CFAP58: variants seen among roughly 807,000 people sequenced by gnomAD.
The protein encoded by CFAP58 is cilia and flagella associated protein 58.
Under a neutral mutation model 119.5 loss-of-function variants are expected in CFAP58, and 88 were observed. The ratio of observed to expected loss-of-function variants is 0.74; its 90% CI spans 0.62 to 0.88. CFAP58 has a LOEUF of 0.88. Ranked by LOEUF, CFAP58 falls within the 40% of genes least tolerant of loss-of-function variation. The probability of loss-of-function intolerance (pLI) is 0.00; values close to 1 mark genes in which losing one functional copy is unlikely to be tolerated. For missense variants in CFAP58, 990 were observed against 1,021.2 expected (o/e 0.97, Z 0.42); for synonymous variants, 365 against 366.3 (o/e 1.00, Z 0.04).
At chr10:104,346,332 T>A in the CFAP58 span, among the ~76,000 whole-genome samples, 283 of 151,994 alleles carry the variant, frequency 1.9e-3, no homozygotes, top group Non-Finnish European at 3.0e-3. Flanking sequence ...CCACACCATA[T>A]CATTCACTTA....
At chr10:104,448,768 T>TATC (rs2013149601) in intron 16 of CFAP58, among the ~76,000 whole-genome samples, 1 of 152,266 alleles carries the variant, frequency 6.6e-6, no homozygotes, top group Non-Finnish European at 1.5e-5. Context: ...TTCACTTGAG[T>TATC]ATCTTGAGAC....
rs78145743 is a variant in CFAP58, at chr10:104,365,027, T to C, written c.597+138T>C. 1,245 of 825,720 alleles carry C rather than the reference T, an allele frequency of 1.5e-3. 41 individuals carry two copies. In the East Asian group the frequency reaches 0.037, roughly 24 times the overall value. 51.1% of individuals were successfully genotyped at this position (825,720 alleles called of 1,614,324 possible). A position where few individuals can be genotyped will look rare whatever the true frequency, so the allele number is the denominator to read the frequency against. Reference sequence around the variant, plus strand: ...TGAAACATCCTCAGTTCTGCTTGTTTCTTTAGTTTGTTCTCTTGAGAGGAG... The same window carrying C: ...TGAAACATCCTCAGTTCTGCTTGTTCCTTTAGTTTGTTCTCTTGAGAGGAG... On this transcript the variant is annotated intron_variant, in intron 4 of 17. Coordinates refer to ENST00000369704, the MANE Select transcript of CFAP58 (RefSeq NM_001008723.2).
intron 12 of CFAP58, among the ~76,000 whole-genome samples, chr10:104,399,753 C>T (rs891055540): frequency 6.6e-6 from 1 of 152,076 alleles, no homozygotes; most frequent in Non-Finnish European, 1.5e-5. Context: ...GGTTCATCCT[C>T]AAGGAGCTTG....
At chr10:104,411,957 T>G (rs563546714) in intron 15 of CFAP58, among the ~76,000 whole-genome samples, 1 of 152,304 alleles carries the variant, frequency 6.6e-6, no homozygotes, top group Admixed American at 6.5e-5. Flanking sequence ...TGCCTTCTTG[T>G]GGCCACTAAA....
chr10:104,367,447 G>A (rs1355541478), intron 5 of CFAP58, among the ~76,000 whole-genome samples: 2 of 151,190 alleles, frequency 1.3e-5, no homozygotes, highest in African/African-American at 2.4e-5. Context: ...TTTTTTGTCC[G>A]TTGCTCTATT....
At chr10:104,450,700 T>A in intron 17 of CFAP58, among the ~76,000 whole-genome samples, 1 of 146,474 alleles carries the variant, frequency 6.8e-6, no homozygotes, top group Admixed American at 6.6e-5. Context: ...TTTATTTATT[T>A]ATTTATTTAT....
chr10:104,352,836 C>T (rs1564873400), upstream of CFAP58, among the ~76,000 whole-genome samples: 2 of 152,068 alleles, frequency 1.3e-5, no homozygotes, highest in African/African-American at 4.8e-5. Context: ...GCTTGCCAAT[C>T]GCAACGAGGA....
chr10:104,376,666 A>G (rs1049931453), intron 7 of CFAP58, 145 bp from the exon 8 acceptor site: 1 of 585,690 alleles, frequency 1.7e-6, no homozygotes, highest in Non-Finnish European at 3.0e-6. Context: ...TCACTTGGTT[A>G]TACCAAAGGT....
At chr10:104,360,349 A>G (rs1369873268) in intron 2 of CFAP58, among the ~76,000 whole-genome samples, 2 of 152,174 alleles carry the variant, frequency 1.3e-5, no homozygotes, top group Non-Finnish European at 2.9e-5. Context: ...TCCAGGAAGC[A>G]TAACACTGGC....
chr10:104,385,162 A>C (rs1220007492), intron 9 of CFAP58, among the ~76,000 whole-genome samples: 1 of 152,040 alleles, frequency 6.6e-6, no homozygotes, highest in Non-Finnish European at 1.5e-5. Context: ...GACAAGATGC[A>C]CCTGAGAATC....
At chr10:104,453,105 T>G (rs2013220738) in intron 17 of CFAP58, among the ~76,000 whole-genome samples, 1 of 152,078 alleles carries the variant, frequency 6.6e-6, no homozygotes, top group Non-Finnish European at 1.5e-5. Context: ...CCAGAAGCAT[T>G]AAGCGTAAGC....
At chr10:104,363,079 G>A (rs2014693954) in intron 3 of CFAP58, among the ~76,000 whole-genome samples, 1 of 152,194 alleles carries the variant, frequency 6.6e-6, no homozygotes, top group Admixed American at 6.5e-5. Context: ...CAGCATCACT[G>A]TTCCAACATC....
intron 15 of CFAP58, among the ~76,000 whole-genome samples, chr10:104,438,353 T>TTG (rs1564904796): frequency 2.1e-4 from 8 of 38,222 alleles, no homozygotes; most frequent in African/African-American, 1.1e-3. Flanking sequence ...TTTTTGTTTT[T>TTG]TTTTTTTGTT....
intron 5 of CFAP58, among the ~76,000 whole-genome samples, chr10:104,366,798 T>C (rs958844920): frequency 2.0e-5 from 3 of 152,230 alleles, no homozygotes; most frequent in African/African-American, 7.2e-5. Flanking sequence ...CTCTCATTGC[T>C]GTGCAGTATT....
At chr10:104,365,173 G>A (rs1366085515) in intron 4 of CFAP58, among the ~76,000 whole-genome samples, 2 of 152,162 alleles carry the variant, frequency 1.3e-5, no homozygotes, top group Non-Finnish European at 2.9e-5. Flanking sequence ...ATGAAGGCCA[G>A]GGGGCCCAAC....
intron 15 of CFAP58, among the ~76,000 whole-genome samples, chr10:104,419,254 A>G (rs1227822395): frequency 2.0e-5 from 3 of 152,052 alleles, no homozygotes; most frequent in African/African-American, 4.8e-5. Context: ...GGGGCACCAT[A>G]TGCTTCTACC....
intron 8 of CFAP58, among the ~76,000 whole-genome samples, chr10:104,379,171 T>TC (rs1271323763): frequency 1.1e-4 from 16 of 152,002 alleles, no homozygotes; most frequent in African/African-American, 3.9e-4. Context: ...CCACTCTCTA[T>TC]CCCCCGCTCC....
At chr10:104,362,714 C>T (rs745529551) in intron 3 of CFAP58, among the ~76,000 whole-genome samples, 5 of 152,210 alleles carry the variant, frequency 3.3e-5, no homozygotes, top group African/African-American at 9.6e-5. Context: ...TTGGCAGTAG[C>T]GTCCTAACTG....
At chr10:104,394,251 G>T (rs981320401) in intron 11 of CFAP58, among the ~76,000 whole-genome samples, 1 of 152,078 alleles carries the variant, frequency 6.6e-6, no homozygotes, top group East Asian at 1.9e-4. Flanking sequence ...CAGTCCAATA[G>T]ATTTCCCTTC....
Sources: allele counts gnomAD v4.1 joint callset (sites outside exome capture counted in the v4.1 genomes callset), GRCh38; gene constraint gnomAD v4.1.1; transcripts MANE v1.5; gene names NCBI Gene and HGNC (gene_info 2026-07-23, HGNC 2026-07-21).